Variants in C6orf120 observed in about 807,000 individuals in gnomAD.
C6orf120 encodes the protein chromosome 6 open reading frame 120, also known as UPF0669 protein C6orf120.
For synonymous variants in C6orf120, 165 were observed against 123.1 expected, an observed-to-expected ratio of 1.34 and a Z score of -2.25; for missense variants, 311 against 264.2, an observed-to-expected ratio of 1.18 and a Z score of -1.23.
exon 1 of C6orf120, chr6:169,704,115 T>G (rs1358066717): frequency 6.5e-7 from 1 of 1,541,052 alleles, no homozygotes; most frequent in Admixed American, 2.2e-5. Context: ...TAATATAGAA[T>G]GAAAAATTAT....
upstream of C6orf120, chr6:169,702,158 T>G (rs1562974296): frequency 3.2e-6 from 2 of 625,748 alleles, no homozygotes; most frequent in Admixed American, 2.1e-5. Flanking sequence ...CGGCCTCGGG[T>G]CCGGATGTAT....
chr6:169,702,166 T>G, upstream of C6orf120: 2 of 631,864 alleles, frequency 3.2e-6, no homozygotes, highest in East Asian at 3.3e-5. Flanking sequence ...GGTCCGGATG[T>G]ATAAAGCGCG....
At chr6:169,702,592 G>T in exon 1 of C6orf120, 15 of 1,613,252 alleles carry the variant, frequency 9.3e-6, no homozygotes, top group Non-Finnish European at 1.3e-5. Flanking sequence ...CCTGCACGTC[G>T]TCCAGGGCCA....
At position 169,703,009 on chromosome 6, in the gene C6orf120, A is replaced by T; in HGVS notation, c.550A>T (p.Lys184Ter). The T allele has an allele frequency of 6.4e-7, 1 of 1,564,038 alleles. No homozygotes were observed. The highest frequency in any genetic ancestry group is 2.4e-5 in the East Asian group (1 of 42,486). The change falls in exon 1 of 1, where the codon AAA becomes TAA. Residue 184 changes from lysine to a stop codon, truncating the protein, a stop_gained. Coordinates refer to ENST00000332290, the Ensembl canonical transcript of C6orf120. LOFTEE classifies it high-confidence loss of function. ...CTGGACGATATTAATTAGCATTTTG[A>T]AACTGGTACTTGAAATTCTCTTTTG...
At chr6:169,702,747 G>A (rs1284191686) in exon 1 of C6orf120, 1 of 1,613,264 alleles carries the variant, frequency 6.2e-7, no homozygotes, top group Non-Finnish European at 8.5e-7. Flanking sequence ...AGCTGCAATC[G>A]GCCACCTGCG....
At chr6:169,705,425 T>C, downstream of C6orf120, 3 of 815,078 alleles carry the variant, frequency 3.7e-6, no homozygotes, top group Non-Finnish European at 5.9e-6. Context: ...ATGGCTATAA[T>C]GTCAAATCGC....
downstream of C6orf120, among the ~76,000 whole-genome samples, chr6:169,706,304 TTAG>T (rs1266842428): frequency 6.7e-6 from 1 of 148,256 alleles, no homozygotes; most frequent in Admixed American, 6.7e-5. Context: ...TGTGGAAAAC[TTAG>T]TTGTGTGATT....
chr6:169,706,223 A>T (rs3924590), downstream of C6orf120, among the ~76,000 whole-genome samples: 200 of 151,836 alleles, frequency 1.3e-3, no homozygotes, highest in African/African-American at 4.3e-3. Context: ...AGTGGTATTT[A>T]AAAAAAAATC....
exon 1 of C6orf120, chr6:169,704,096 A>G: frequency 1.3e-6 from 2 of 1,573,160 alleles, no homozygotes; most frequent in Non-Finnish European, 1.7e-6. Flanking sequence ...GACCTAGGAA[A>G]AAAATTGTTA....
exon 1 of C6orf120, chr6:169,702,483 C>T (rs1329356727): frequency 2.5e-6 from 4 of 1,571,006 alleles, no homozygotes; most frequent in South Asian, 1.2e-5. Flanking sequence ...GCGGGAGGGC[C>T]GCGCCCTGGA....
chr6:169,705,424 A>G (rs73039197), downstream of C6orf120: 1,232 of 823,330 alleles, frequency 1.5e-3, 4 homozygotes, highest in Non-Finnish European at 2.2e-3. Context: ...AATGGCTATA[A>G]TGTCAAATCG....
At chr6:169,702,440 C>T in exon 1 of C6orf120, 3 of 1,465,038 alleles carry the variant, frequency 2.0e-6, no homozygotes, top group Non-Finnish European at 1.9e-6. Context: ...CTTGCAGGCC[C>T]CGGAGCTGAG....
downstream of C6orf120, chr6:169,705,052 G>T: frequency 1.9e-6 from 2 of 1,031,834 alleles, no homozygotes; most frequent in Non-Finnish European, 2.8e-6. Context: ...TTCATGTCAT[G>T]ATAGCGTTTA....
At chr6:169,705,667 T>C, downstream of C6orf120, 1 of 1,594,110 alleles carries the variant, frequency 6.3e-7, no homozygotes. Context: ...TTTCCTTTCT[T>C]GTTGGACTCC....
At chr6:169,705,167 A>G, downstream of C6orf120, 1 of 1,612,234 alleles carries the variant, frequency 6.2e-7, no homozygotes. Flanking sequence ...CACAAAAAGT[A>G]TGATAACCTC....
chr6:169,703,054 G>A (rs1397879337), exon 1 of C6orf120: 1 of 1,541,382 alleles, frequency 6.5e-7, no homozygotes, highest in Middle Eastern at 1.7e-4. Context: ...CCACACTCTG[G>A]GATATAAAAC....
chr6:169,705,084 G>A (rs904665803), downstream of C6orf120: 2 of 1,416,212 alleles, frequency 1.4e-6, no homozygotes, highest in East Asian at 2.3e-5. Flanking sequence ...GGAGTGCTGG[G>A]AGAGTCTCAT....
chr6:169,705,465 A>G, downstream of C6orf120: 1 of 713,810 alleles, frequency 1.4e-6, no homozygotes, highest in Non-Finnish European at 2.4e-6. Flanking sequence ...AATGTAGAGG[A>G]AAACACATGG....
exon 1 of C6orf120, chr6:169,703,963 C>T: frequency 7.0e-7 from 1 of 1,423,486 alleles, no homozygotes; most frequent in Non-Finnish European, 9.5e-7. Flanking sequence ...ACCAAATATT[C>T]CACTTAAATG....
Sources: gnomAD v4.1 joint callset for allele counts (sites outside exome capture counted in the v4.1 genomes callset) on GRCh38, gnomAD v4.1.1 for gene constraint, MANE v1.5 for transcripts, NCBI Gene and HGNC (gene_info 2026-07-23, HGNC 2026-07-21) for gene names.